PIK3CD: variants seen among roughly 807,000 people sequenced by gnomAD.
PIK3CD encodes phosphatidylinositol 4,5-bisphosphate 3-kinase catalytic subunit delta isoform.
A neutral mutation model predicts 122.9 loss-of-function variants in PIK3CD; 20 were observed. The observed-to-expected ratio is 0.16, with a 90% confidence interval of 0.11 to 0.24. The LOEUF is 0.24. Among genes scored for constraint, PIK3CD ranks in the 10% least tolerant of loss-of-function variants. PIK3CD has a pLI of 1.00. For synonymous variants in PIK3CD, 596 were observed against 593.4 expected (o/e 1.00, Z -0.06); for missense variants, 787 against 1,406.3 (o/e 0.56, Z 7.04).
At chr1:9,701,493 A>C (rs2100634908) in intron 2 of PIK3CD, among the ~76,000 whole-genome samples, 1 of 152,140 alleles carries the variant, frequency 6.6e-6, no homozygotes. Context: ...CCAACATGGC[A>C]AAACCCTGTC....
At chr1:9,661,924 C>T (rs558286044) in intron 1 of PIK3CD, among the ~76,000 whole-genome samples, 55 of 151,874 alleles carry the variant, frequency 3.6e-4, no homozygotes, top group South Asian at 2.7e-3. Flanking sequence ...TGGACCCAGG[C>T]GGCGGAGCTT....
At chr1:9,711,659 A>G (rs1461902741) in intron 3 of PIK3CD, among the ~76,000 whole-genome samples, 1 of 150,492 alleles carries the variant, frequency 6.6e-6, no homozygotes, top group Non-Finnish European at 1.5e-5. Context: ...CTGCAGCCTC[A>G]ATCTCCCCAG....
At chr1:9,644,792 C>G in the PIK3CD span, among the ~76,000 whole-genome samples, 411 of 152,096 alleles carry the variant, frequency 2.7e-3, 1 homozygote, top group Non-Finnish European at 4.4e-3. Context: ...GAAAGTCAAC[C>G]AACATGCATT....
At chr1:9,686,026 C>G (rs1218510329) in intron 1 of PIK3CD, among the ~76,000 whole-genome samples, 1 of 152,150 alleles carries the variant, frequency 6.6e-6, no homozygotes, top group Admixed American at 6.6e-5. Flanking sequence ...TTGGGAGAAG[C>G]TGAGATTTCA....
chr1:9,717,508 G>A lies in PIK3CD; in HGVS notation c.931-29G>A. On this transcript the variant is annotated intron_variant, in intron 7 of 23. Transcript: ENST00000377346. The surrounding 1 kb of genome is among the most constrained non-coding windows in gnomAD (Gnocchi z 5.4). ...GGAGACAAGCTGCACTTTGAGCCGT[G>A]TTAACAGCCCTGCTTCCCCGGCCCC... The A allele has an allele frequency of 6.2e-7, 1 of 1,609,322 alleles. No homozygotes were observed. Among genetic ancestry groups the A allele is most frequent in the Non-Finnish European group, 8.5e-7 (1 of 1,175,970 alleles).
At chr1:9,670,759 T>A (rs926119859) in intron 1 of PIK3CD, among the ~76,000 whole-genome samples, 16 of 152,090 alleles carry the variant, frequency 1.1e-4, no homozygotes, top group Admixed American at 6.6e-4. Context: ...AAAAACAATT[T>A]GTTTTTGGTT....
rs376092324 is a variant in PIK3CD at position 9,711,580 on chromosome 1, AT to A, written c.141+995del. Among the ~76,000 whole-genome samples, 822 of 146,424 alleles carry A rather than the reference AT, an allele frequency of 5.6e-3. 17 individuals are homozygous for A. Among genetic ancestry groups the A allele is most frequent in the East Asian group, 0.045 (226 of 5,020 alleles). ...TCATCCTATTCATGACTGTGTCATC[AT>A]TTTTTTTTTTGAGATGGGGTCTCAC... On this transcript the variant is annotated intron_variant, in intron 3 of 23. Coordinates refer to ENST00000377346, the MANE Select transcript of PIK3CD (RefSeq NM_005026.5).
chr1:9,676,543 A>G (rs1645545728), intron 1 of PIK3CD, among the ~76,000 whole-genome samples: 1 of 152,212 alleles, frequency 6.6e-6, no homozygotes, highest in Non-Finnish European at 1.5e-5. Context: ...TACAATCTCA[A>G]TGGCCTCCTT....
chr1:9,677,463 T>A (rs1043745432), intron 1 of PIK3CD, among the ~76,000 whole-genome samples: 3 of 151,610 alleles, frequency 2.0e-5, no homozygotes, highest in African/African-American at 7.3e-5. Flanking sequence ...CTGGCCAACA[T>A]GGTGAAACCC....
rs1193512692 is a variant in PIK3CD at position 9,716,742 on chromosome 1, G to T, written c.780+123G>T. On this transcript the variant is annotated intron_variant, in intron 6 of 23. Transcript: ENST00000377346. ...TGCCGAGCCAGGCCTTTGGGTCACC[G>T]CCAGAGCATCCCCTGGTAGGGCTGG... 4.2e-6 allele frequency: 5 copies of T among 1,198,836 alleles called. No individual in the cohort carries two copies. The East Asian group carries it at 1.3e-4, about 31-fold the overall frequency. The allele number at this position is 1,198,836 out of a possible 1,614,324, so 74.3% of individuals were successfully genotyped here.
rs754154426 is a variant in PIK3CD, at chr1:9,654,420, G to A, written c.-138+2618G>A. On this transcript the variant is annotated intron_variant, in intron 1 of 23. Transcript: ENST00000377346. ...AGGGGCTGTGCTAAGAACAGGGCAG[G>A]CAGACTGGGAGGGCATCAGCCCCTG... is the stretch of plus-strand genomic sequence containing the variant. 3 of 1,367,618 alleles carry A rather than the reference G, an allele frequency of 2.2e-6. No homozygotes were observed. In the South Asian group the frequency reaches 3.4e-5, roughly 16 times the overall value. 84.7% of individuals were successfully genotyped at this position (1,367,618 alleles called of 1,614,324 possible).
the PIK3CD span, among the ~76,000 whole-genome samples, chr1:9,629,359 CA>C: frequency 6.6e-6 from 1 of 152,032 alleles, no homozygotes; most frequent in African/African-American, 2.4e-5. Context: ...CAGGAACCCC[CA>C]GGGGAGGACG....
chr1:9,723,880 G>C lies in PIK3CD; in HGVS notation c.2595-89G>C. On this transcript the variant is annotated intron_variant, in intron 20 of 23. Coordinates refer to ENST00000377346, the MANE Select transcript of PIK3CD (RefSeq NM_005026.5). This position sits in a 1 kb window ranked among gnomAD's most constrained non-coding sequence, Gnocchi z 4.9. ...TTGGTCAAAGCAAGTCACAGGGCCA[G>C]ATTCAAGGGGAGAGGGAGTAATAAC... The C allele has an allele frequency of 1.6e-6, 2 of 1,227,958 alleles. No individual in the cohort carries two copies. The highest frequency in any genetic ancestry group is 2.4e-6 in the Non-Finnish European group (2 of 842,304). 76.1% of individuals were successfully genotyped at this position (1,227,958 alleles called of 1,614,324 possible).
intron 2 of PIK3CD, among the ~76,000 whole-genome samples, chr1:9,703,972 C>A (rs1029210424): frequency 6.6e-6 from 1 of 152,174 alleles, no homozygotes; most frequent in Non-Finnish European, 1.5e-5. Flanking sequence ...TACTGGTTTG[C>A]GTTCTTGGGG....
intron 1 of PIK3CD, among the ~76,000 whole-genome samples, chr1:9,666,646 A>G (rs1645168913): frequency 6.6e-6 from 1 of 152,126 alleles, no homozygotes; most frequent in South Asian, 2.1e-4. Flanking sequence ...ATTCGAGACC[A>G]ACCTGGGCAA....
At chr1:9,693,601 C>A (rs1013356220) in intron 2 of PIK3CD, among the ~76,000 whole-genome samples, 16 of 151,752 alleles carry the variant, frequency 1.1e-4, no homozygotes, top group Non-Finnish European at 2.1e-4. Context: ...TTGACATAAA[C>A]ATAACAATCG....
At chr1:9,687,690 T>C (rs1351731900) in intron 1 of PIK3CD, 1 of 152,192 alleles carries the variant, frequency 6.6e-6, no homozygotes, top group African/African-American at 2.4e-5. Context: ...GCCCACCTGG[T>C]GCAGGGTGTG....
the PIK3CD span, among the ~76,000 whole-genome samples, chr1:9,628,507 C>T: frequency 2.6e-5 from 4 of 152,216 alleles, no homozygotes; most frequent in Admixed American, 6.6e-5. Context: ...CACCGGCCTC[C>T]GCTGTGGTCT....
chr1:9,651,372 G>A (rs1644668042), upstream of PIK3CD, among the ~76,000 whole-genome samples: 1 of 152,162 alleles, frequency 6.6e-6, no homozygotes, highest in African/African-American at 2.4e-5. Context: ...AGAGCTGCAG[G>A]TTACCCCCTC....
Sources: gnomAD v4.1 joint callset for allele counts (sites outside exome capture counted in the v4.1 genomes callset) on GRCh38, gnomAD v4.1.1 for gene constraint, Gnocchi (gnomAD v3.1) non-coding constraint, MANE v1.5 for transcripts, NCBI Gene and HGNC (gene_info 2026-07-23, HGNC 2026-07-21) for gene names.